The following GRXCR2 variants were observed in gnomAD, a reference collection of about 807,000 sequenced individuals.
GRXCR2 encodes glutaredoxin and cysteine rich domain containing 2, also known as glutaredoxin domain-containing cysteine-rich protein 2.
In GRXCR2, 23 loss-of-function variants were observed where a neutral mutation model predicts 24.8. The ratio of observed to expected loss-of-function variants is 0.93; its 90% confidence interval spans 0.67 to 1.32. GRXCR2 has a LOEUF of 1.32. GRXCR2 is among the 40% of genes most tolerant of loss of function. The pLI, the probability that GRXCR2 is intolerant of heterozygous loss-of-function variation, is 0.00. For synonymous variants in GRXCR2, 130 were observed against 116.1 expected (o/e 1.12, Z -0.77); for missense variants, 315 against 303.4 (o/e 1.04, Z -0.28).
intron 2 of GRXCR2, among the ~76,000 whole-genome samples, chr5:145,892,578 G>C (rs932355403): frequency 6.6e-6 from 1 of 152,128 alleles, no homozygotes; most frequent in Non-Finnish European, 1.5e-5. Context: ...GAGAAGTTTA[G>C]AGAAAAAAGA....
chr5:145,889,537 C>A (rs962998811), intron 2 of GRXCR2, among the ~76,000 whole-genome samples: 2 of 152,292 alleles, frequency 1.3e-5, no homozygotes, highest in South Asian at 4.2e-4. Context: ...CTCTCCACAT[C>A]ACTCACTTTT....
intron 2 of GRXCR2, among the ~76,000 whole-genome samples, chr5:145,896,424 A>G (rs1173017043): frequency 6.6e-6 from 1 of 152,202 alleles, no homozygotes; most frequent in Non-Finnish European, 1.5e-5. Flanking sequence ...ATGAACTCAA[A>G]AAAATGTACA....
At chr5:145,901,022 A>C (rs1337808821) in intron 2 of GRXCR2, among the ~76,000 whole-genome samples, 2 of 152,082 alleles carry the variant, frequency 1.3e-5, no homozygotes, top group African/African-American at 4.8e-5. Context: ...CCATTATCCT[A>C]AGCAAATTAA....
chr5:145,930,327 C>T (rs1009550523), intron 2 of GRXCR2, among the ~76,000 whole-genome samples: 4 of 152,132 alleles, frequency 2.6e-5, no homozygotes, highest in East Asian at 1.9e-4. Context: ...TCAAGTGATT[C>T]GCCCACCTCG....
intron 2 of GRXCR2, among the ~76,000 whole-genome samples, chr5:145,912,725 C>T (rs764528956): frequency 4.6e-5 from 7 of 151,980 alleles, no homozygotes; most frequent in Non-Finnish European, 8.8e-5. Context: ...GAGGCGGAGT[C>T]CTGTGGAAAG....
chr5:145,905,782 C>T (rs1757083532), intron 2 of GRXCR2, among the ~76,000 whole-genome samples: 1 of 152,004 alleles, frequency 6.6e-6, no homozygotes, highest in South Asian at 2.1e-4. Context: ...AGAGCAGTCA[C>T]TAAATGAACA....
chr5:145,876,191 G>GTGTGTATATATATA (rs1412232264), upstream of GRXCR2, among the ~76,000 whole-genome samples: 44 of 105,302 alleles, frequency 4.2e-4, no homozygotes, highest in African/African-American at 1.6e-3. Flanking sequence ...GTGTGTGTGT[G>GTGTGTATATATATA]TATATATATA....
At chr5:145,917,290 T>C (rs1757255714) in intron 2 of GRXCR2, among the ~76,000 whole-genome samples, 1 of 152,084 alleles carries the variant, frequency 6.6e-6, no homozygotes, top group African/African-American at 2.4e-5. Context: ...CTTGTTCTTC[T>C]TTCTCAGGCT....
chr5:145,873,171 T>C (rs1019273958), upstream of GRXCR2, among the ~76,000 whole-genome samples: 1 of 152,210 alleles, frequency 6.6e-6, no homozygotes, highest in East Asian at 1.9e-4. Context: ...TCTGGTTTGA[T>C]GGAGTGGATG....
intron 1 of GRXCR2, among the ~76,000 whole-genome samples, chr5:145,869,265 A>T (rs412207): frequency 0.021 from 3,166 of 152,332 alleles, 111 homozygotes; most frequent in African/African-American, 0.072. Context: ...TCTGTAAAAC[A>T]CTCATAGAAA....
intron 2 of GRXCR2, among the ~76,000 whole-genome samples, chr5:145,891,675 C>T (rs999355545): frequency 1.3e-5 from 2 of 152,158 alleles, no homozygotes; most frequent in African/African-American, 4.8e-5. Context: ...CTCAAGGAGG[C>T]CTGCCTGCCT....
chr5:145,859,616 G>A lies in GRXCR2; in HGVS notation c.*117C>T. The A allele has an allele frequency of 1.1e-6, 1 of 869,872 alleles. No individual in the cohort carries two copies. The highest frequency in any genetic ancestry group is 1.9e-6 in the Non-Finnish European group (1 of 539,878). 53.9% of individuals were successfully genotyped at this position (869,872 alleles called of 1,614,324 possible). A position where few individuals can be genotyped will look rare whatever the true frequency, so the allele number is the denominator to read the frequency against. ...TAATTGAGTTTTGCCAGCAGTGGGA[G>A]TGACTGCAGCCACTGTGGCCTCCTT... On this transcript the variant is annotated 3_prime_UTR_variant, in exon 3 of 3. Transcript: ENST00000377976.
chr5:145,929,199 C>CTATATATA (rs72283862), intron 2 of GRXCR2, among the ~76,000 whole-genome samples: 2,986 of 116,368 alleles, frequency 0.026, 147 homozygotes, highest in African/African-American at 0.081. Flanking sequence ...ATATTCCCCC[C>CTATATATA]TATATATATA....
At chr5:145,869,559 CTTTT>C (rs398038865) in intron 1 of GRXCR2, among the ~76,000 whole-genome samples, 2 of 137,526 alleles carry the variant, frequency 1.5e-5, no homozygotes, top group East Asian at 2.1e-4. Flanking sequence ...CTCTCTCTCT[CTTTT>C]TTTTTTTTTT....
At chr5:145,893,675 A>T (rs1218332314) in intron 2 of GRXCR2, among the ~76,000 whole-genome samples, 8 of 152,122 alleles carry the variant, frequency 5.3e-5, no homozygotes, top group South Asian at 4.1e-4. Flanking sequence ...CTCCCACACA[A>T]TAATAATGGG....
intron 2 of GRXCR2, among the ~76,000 whole-genome samples, chr5:145,919,318 C>T (rs543257196): frequency 1.3e-5 from 2 of 152,302 alleles, no homozygotes; most frequent in African/African-American, 4.8e-5. Flanking sequence ...AAAAATCCTC[C>T]ATAGAAACCA....
chr5:145,929,193 TCC>T (rs1245164162), intron 2 of GRXCR2, among the ~76,000 whole-genome samples: 3 of 77,568 alleles, frequency 3.9e-5, no homozygotes, highest in East Asian at 6.6e-4. Context: ...TGTATAATAT[TCC>T]CCCCTATATA....
At chr5:145,857,977 C>T (rs1321111995), downstream of GRXCR2, among the ~76,000 whole-genome samples, 1 of 152,174 alleles carries the variant, frequency 6.6e-6, no homozygotes, top group Admixed American at 6.6e-5. Flanking sequence ...GTCCTGTATG[C>T]AGCGGGGCTC....
chr5:145,919,263 A>G (rs1388461329), intron 2 of GRXCR2, among the ~76,000 whole-genome samples: 1 of 152,222 alleles, frequency 6.6e-6, no homozygotes, highest in Non-Finnish European at 1.5e-5. Flanking sequence ...GAAAAGTGAC[A>G]GCCCTGGGAG....
Sources: allele counts gnomAD v4.1 joint callset (sites outside exome capture counted in the v4.1 genomes callset), GRCh38; gene constraint gnomAD v4.1.1; transcripts MANE v1.5; gene names NCBI Gene and HGNC (gene_info 2026-07-23, HGNC 2026-07-21).